The following GABRA3 variants were observed in gnomAD, a reference collection of about 807,000 sequenced individuals.
GABRA3 encodes the protein gamma-aminobutyric acid type A receptor subunit alpha3, also known as gamma-aminobutyric acid receptor subunit alpha-3.
In GABRA3, 10 loss-of-function variants were observed where a neutral mutation model predicts 30.1. The ratio of observed to expected loss-of-function variants is 0.33; its 90% confidence interval spans 0.20 to 0.56. The LOEUF (loss-of-function observed/expected upper bound fraction) is 0.56. Among genes scored for constraint, GABRA3 ranks in the 20% least tolerant of loss-of-function variants. GABRA3 has a pLI of 0.89. For missense variants in GABRA3, 233 were observed against 392.0 expected, an observed-to-expected ratio of 0.59 and a Z score of 3.42; for synonymous variants, 151 against 146.8, an observed-to-expected ratio of 1.03 and a Z score of -0.21.
At chrX:152,381,674 T>A (rs1446954385) in intron 1 of GABRA3, among the ~76,000 whole-genome samples, 1 of 110,473 alleles carries the variant, frequency 9.1e-6, no homozygotes, top group African/African-American at 3.3e-5. Context: ...CATTAGGTAT[T>A]TCTCCTAACA....
intron 3 of GABRA3, among the ~76,000 whole-genome samples, chrX:152,305,099 T>C (rs12396220): frequency 0.22 from 24,712 of 110,569 alleles, 2,673 homozygotes; most frequent in African/African-American, 0.43. Context: ...CTTAGTATTT[T>C]GACGTGTATA....
chrX:152,181,749 C>A (rs1255758511), intron 9 of GABRA3, among the ~76,000 whole-genome samples: 1 of 109,186 alleles, frequency 9.2e-6, no homozygotes, highest in African/African-American at 3.4e-5. Flanking sequence ...TGCAGCACAC[C>A]AGCATGGCAC....
chrX:152,202,126 A>G (rs1229426294), intron 7 of GABRA3, among the ~76,000 whole-genome samples: 2 of 111,791 alleles, frequency 1.8e-5, no homozygotes, highest in Non-Finnish European at 3.8e-5. Flanking sequence ...TGGAGCAAAG[A>G]GCAGACGGCC....
chrX:152,317,688 T>C (rs749995701), intron 3 of GABRA3, among the ~76,000 whole-genome samples: 5 of 112,022 alleles, frequency 4.5e-5, no homozygotes, highest in Non-Finnish European at 9.4e-5. Flanking sequence ...TGCTAATACA[T>C]GGAAATTGAA....
In GABRA3 at chrX:152,168,224, C is replaced by T. The variant is rs200059789; in HGVS notation, c.*4G>A. The T allele has an allele frequency of 3.1e-5, 37 of 1,203,522 alleles. No homozygotes were observed. The highest frequency in any genetic ancestry group is 3.9e-5 in the Non-Finnish European group (35 of 889,847). On this transcript the variant is annotated 3_prime_UTR_variant, in exon 10 of 10. Coordinates refer to ENST00000370314, the MANE Select transcript of GABRA3 (RefSeq NM_000808.4). ...TGCTCTGGTTGCTGCACTGCCACCA[C>T]TATCTACTGTTTGCGGATCATGCCC...
chrX:152,364,365 G>T, intron 2 of GABRA3, 66 bp downstream of exon 2: 2 of 1,075,361 alleles, frequency 1.9e-6, no homozygotes, highest in Non-Finnish European at 2.5e-6. Flanking sequence ...GAAAACATCA[G>T]AAGTTTTGGT....
At chrX:152,224,195 T>C (rs1429002922) in intron 6 of GABRA3, among the ~76,000 whole-genome samples, 1 of 112,275 alleles carries the variant, frequency 8.9e-6, no homozygotes, top group Non-Finnish European at 1.9e-5. Flanking sequence ...ACTCAAATTC[T>C]ATTCAATGTT....
At position 152,315,301 on chromosome X, in the gene GABRA3, G is replaced by A. The variant is rs185772914; in HGVS notation, c.262+30280C>T. On this transcript the variant is annotated intron_variant, in intron 3 of 9. Coordinates refer to ENST00000370314, the MANE Select transcript of GABRA3 (RefSeq NM_000808.4). ...CCTTACCTGGAGCTGAGACAATTTAGAGAGCCACGCAAAATACAGGGGTAG... is the reference window on the plus strand; with the variant it reads ...CCTTACCTGGAGCTGAGACAATTTAAAGAGCCACGCAAAATACAGGGGTAG... Among the ~76,000 whole-genome samples, 5 of 111,384 alleles carry A rather than the reference G, an allele frequency of 4.5e-5. No individual in the cohort carries two copies. In the East Asian group the frequency reaches 1.4e-3, roughly 32 times the overall value.
intron 1 of GABRA3, among the ~76,000 whole-genome samples, chrX:152,366,331 A>G (rs935710503): frequency 8.9e-6 from 1 of 112,068 alleles, no homozygotes; most frequent in Admixed American, 9.5e-5. Flanking sequence ...GAAATAATCC[A>G]TGGAACATAA....
chrX:152,421,050 C>A (rs1377905092), intron 1 of GABRA3, among the ~76,000 whole-genome samples: 4 of 108,103 alleles, frequency 3.7e-5, no homozygotes, highest in Non-Finnish European at 5.7e-5. Flanking sequence ...TTGGGTATTT[C>A]TTCATAGCAG....
At position 152,255,847 on chromosome X, in the gene GABRA3, G is replaced by A; in HGVS notation, c.482C>T (p.Ala161Val). The A allele has an allele frequency of 8.3e-7, 1 of 1,211,351 alleles. No individual in the cohort carries two copies. Among genetic ancestry groups the A allele is most frequent in the Non-Finnish European group, 1.1e-6 (1 of 895,274 alleles). ...CTTGTTGGGCGTGGTCATGTTATGA[G>A]CCACTGATTTCTTGCCATTGTGGAA... is the stretch of plus-strand genomic sequence containing the variant. The part of the protein sequence containing the change: ...TFFHNGKKSV[A>V]HNMTTPNKLL... The change falls in exon 5 of 10, where the codon GCT (alanine) becomes GTT (valine). Residue 161 changes from alanine (A) to valine (V), a missense_variant. Physicochemically the swap from Ala to Val is moderately conservative, Grantham distance 64. Around this residue, in one of 6 missense-constraint regions of GABRA3, gnomAD observed 42 missense variants for 116.2 expected, o/e 0.36. Transcript: ENST00000370314.
rs183353215 is a variant in GABRA3, at chrX:152,282,463, A to G, written c.330+2205T>C. ...AACACCCGAAATATGCTTTTTAGCC[A>G]GAATGATTGTAGCTATTCTGCCTTG... On this transcript the variant is annotated intron_variant, in intron 4 of 9. Transcript: ENST00000370314. Among the ~76,000 whole-genome samples the G allele has an allele frequency of 9.8e-4, 110 of 112,215 alleles. 1 individual carries two copies. Among genetic ancestry groups the G allele is most frequent in the African/African-American group, 3.5e-3 (107 of 30,894 alleles).
At chrX:152,251,218 A>G in intron 5 of GABRA3, 1 of 236,770 alleles carries the variant, frequency 4.2e-6, no homozygotes, top group Non-Finnish European at 8.3e-6. Flanking sequence ...ATAGACTCTA[A>G]TCTCATCGAA....
At chrX:152,253,633 G>C (rs777653852) in intron 5 of GABRA3, among the ~76,000 whole-genome samples, 7 of 111,652 alleles carry the variant, frequency 6.3e-5, no homozygotes, top group Non-Finnish European at 1.1e-4. Context: ...TATTTCAGCT[G>C]TTTCTTAATC....
intron 5 of GABRA3, among the ~76,000 whole-genome samples, chrX:152,232,625 G>A (rs962075960): frequency 4.2e-4 from 37 of 88,763 alleles, no homozygotes; most frequent in Non-Finnish European, 5.9e-4. Flanking sequence ...GTGTTCTATT[G>A]TGTGTGTGTG....
chrX:152,176,894 G>T lies in GABRA3; in HGVS notation c.1144-8331C>A, dbSNP rs753738326. Among the ~76,000 whole-genome samples the T allele has an allele frequency of 5.3e-4, 59 of 111,624 alleles. 1 individual carries two copies. The highest frequency in any genetic ancestry group is 1.9e-3 in the African/African-American group (57 of 30,698). ...CAGAAAATAAAAAAGAGATCAGACTGCTGACTGGCCTGCAGATCTGACTGA... is the reference window on the plus strand; with the variant it reads ...CAGAAAATAAAAAAGAGATCAGACTTCTGACTGGCCTGCAGATCTGACTGA... On this transcript the variant is annotated intron_variant, in intron 9 of 9. Coordinates refer to ENST00000370314, the MANE Select transcript of GABRA3 (RefSeq NM_000808.4).
chrX:152,191,223 T>C (rs1442549534), intron 8 of GABRA3, among the ~76,000 whole-genome samples: 1 of 110,917 alleles, frequency 9.0e-6, no homozygotes, highest in South Asian at 3.9e-4. Context: ...ATAATTATAA[T>C]AGTATAAGTA....
At chrX:152,379,578 A>C (rs1284934361) in intron 1 of GABRA3, among the ~76,000 whole-genome samples, 2 of 111,417 alleles carry the variant, frequency 1.8e-5, no homozygotes, top group African/African-American at 6.5e-5. Context: ...AAAAGAAAGA[A>C]GATGATAATT....
intron 2 of GABRA3, among the ~76,000 whole-genome samples, chrX:152,347,840 T>G (rs904638247): frequency 1.9e-4 from 21 of 110,921 alleles, no homozygotes; most frequent in Non-Finnish European, 1.7e-4. Context: ...AAATCCTGCC[T>G]CTACAAAAAC....
Sources: gnomAD v4.1 joint callset for allele counts (sites outside exome capture counted in the v4.1 genomes callset) on GRCh38, gnomAD v4.1.1 for gene constraint, gnomAD v4.1.1 regional missense constraint, MANE v1.5 for transcripts, NCBI Gene and HGNC (gene_info 2026-07-23, HGNC 2026-07-21) for gene names.